The following KHDRBS1 variants were observed in gnomAD, a reference collection of about 807,000 sequenced individuals.
KHDRBS1 encodes KH domain-containing, RNA-binding, signal transduction-associated protein 1.
A neutral mutation model predicts 48.4 loss-of-function variants in KHDRBS1; 7 were observed. The ratio of observed to expected loss-of-function variants is 0.14; its 90% CI spans 0.08 to 0.27. The LOEUF (loss-of-function observed/expected upper bound fraction) is 0.27, where lower values mean the gene tolerates loss of function less well. KHDRBS1 is among the 10% of genes least tolerant of loss of function. The pLI is 1.00. For missense variants in KHDRBS1, 458 were observed against 601.2 expected (o/e 0.76, Z 2.49); for synonymous variants, 241 against 235.8 (o/e 1.02, Z -0.20).
chr1:32,027,668 A>G (rs186449718), intron 1 of KHDRBS1, among the ~76,000 whole-genome samples: 1 of 152,336 alleles, frequency 6.6e-6, no homozygotes, highest in East Asian at 1.9e-4. Flanking sequence ...GTATGTGTCT[A>G]TTAGTTCATG....
intron 10 of KHDRBS1, among the ~76,000 whole-genome samples, chr1:32,058,517 G>A (rs1276304614): frequency 6.6e-6 from 1 of 152,202 alleles, no homozygotes; most frequent in African/African-American, 2.4e-5. Context: ...TCCCACTGAA[G>A]ACAACTTGAA....
intron 10 of KHDRBS1, among the ~76,000 whole-genome samples, chr1:32,053,977 G>A (rs781662249): frequency 1.3e-5 from 2 of 152,098 alleles, no homozygotes; most frequent in Non-Finnish European, 2.9e-5. Flanking sequence ...CTGGCTACTC[G>A]GGAGGCTGAG....
chr1:32,060,291 G>C (rs1420936557), exon 11 of KHDRBS1: 2 of 151,914 alleles, frequency 1.3e-5, no homozygotes, highest in Non-Finnish European at 2.9e-5. Flanking sequence ...TGATCTGTCA[G>C]ATTTACCCAC....
chr1:32,048,877 C>G (rs575449110), downstream of KHDRBS1, among the ~76,000 whole-genome samples: 4 of 152,082 alleles, frequency 2.6e-5, no homozygotes, highest in Admixed American at 2.6e-4. Context: ...TTTATTCCCT[C>G]CAGCCGTAGG....
chr1:32,013,947 C>G lies in KHDRBS1; in HGVS notation c.-49C>G, dbSNP rs779236077. ...CCCCGCCAACCGCCGCTCGGGCCTC[C>G]GTCGCTGCCGCGTCGCTTTCTCGCT... On this transcript the variant is annotated 5_prime_UTR_variant, in exon 1 of 9. Transcript: ENST00000327300. 1.0e-5 allele frequency: 14 copies of G among 1,387,410 alleles called. No individual in the cohort carries two copies. Among genetic ancestry groups the G allele is most frequent in the Non-Finnish European group, 1.3e-5 (14 of 1,073,900 alleles). The allele number at this position is 1,387,410 out of a possible 1,614,324, so 85.9% of individuals were successfully genotyped here. A position where few individuals can be genotyped will look rare whatever the true frequency, so the allele number is the denominator to read the frequency against.
chr1:32,031,650 C>CT lies in KHDRBS1; in HGVS notation c.624+10_624+11insT. On this transcript the variant is annotated intron_variant, in intron 3 of 8. Transcript: ENST00000327300. ...GAGAGACAAAGCCAAGGTAAGCTCA[C>CT]ATTAGTGAGGCAAGAGGACATCCTA... The CT allele has an allele frequency of 6.4e-7, 1 of 1,556,928 alleles. No individual in the cohort carries two copies. Among genetic ancestry groups the CT allele is most frequent in the African/African-American group, 1.4e-5 (1 of 73,240 alleles).
downstream of KHDRBS1, among the ~76,000 whole-genome samples, chr1:32,046,035 T>G (rs972351765): frequency 5.9e-5 from 9 of 152,160 alleles, no homozygotes; most frequent in Non-Finnish European, 1.3e-4. Flanking sequence ...ATATCCATAT[T>G]TTACAGAAGT....
chr1:32,016,033 C>T (rs1451865875), intron 1 of KHDRBS1, among the ~76,000 whole-genome samples: 1 of 151,974 alleles, frequency 6.6e-6, no homozygotes, highest in Non-Finnish European at 1.5e-5. Flanking sequence ...ACAAAATTAG[C>T]TTCGCGTGGT....
chr1:32,051,363 G>A (rs1349327227), intron 10 of KHDRBS1, among the ~76,000 whole-genome samples: 1 of 152,170 alleles, frequency 6.6e-6, no homozygotes, highest in Non-Finnish European at 1.5e-5. Context: ...AAAAGTTATT[G>A]ATACAATTTC....
chr1:32,059,215 T>C (rs1233884764), intron 10 of KHDRBS1, among the ~76,000 whole-genome samples: 2 of 146,722 alleles, frequency 1.4e-5, no homozygotes, highest in Admixed American at 1.4e-4. Flanking sequence ...AATGAACATA[T>C]TAAGGCTCCA....
At position 32,034,853 on chromosome 1, in the gene KHDRBS1, C is replaced by T. The variant is rs569657874; in HGVS notation, c.771+1519C>T. On this transcript the variant is annotated intron_variant, in intron 4 of 8. Transcript: ENST00000327300. ...AAAATTAGCTGGGCGTGGTGGCAGG[C>T]GCCTGTAGTCCCAGCTAATCGGGAG... 6.9e-3 allele frequency among the ~76,000 whole-genome samples: 1,040 copies of T among 151,314 alleles called. 17 individuals carry two copies. Among genetic ancestry groups the T allele is most frequent in the African/African-American group, 0.024 (996 of 41,244 alleles).
At chr1:32,030,673 A>G (rs1639064434) in intron 2 of KHDRBS1, among the ~76,000 whole-genome samples, 1 of 152,196 alleles carries the variant, frequency 6.6e-6, no homozygotes, top group Non-Finnish European at 1.5e-5. Context: ...ATGATTGCTC[A>G]GGCTACAAGT....
chr1:32,052,132 A>G (rs1639429102), intron 10 of KHDRBS1, among the ~76,000 whole-genome samples: 1 of 152,220 alleles, frequency 6.6e-6, no homozygotes, highest in Admixed American at 6.5e-5. Flanking sequence ...CCCTATTTTT[A>G]TAGATTAGGC....
intron 8 of KHDRBS1, among the ~76,000 whole-genome samples, chr1:32,039,859 T>G (rs1569808371): frequency 6.6e-6 from 1 of 152,260 alleles, no homozygotes; most frequent in South Asian, 2.1e-4. Context: ...AGCAGCAGAC[T>G]TATAAGCTAA....
intron 7 of KHDRBS1, 72 bp from the exon 8 acceptor site, chr1:32,039,443 A>C: frequency 5.0e-6 from 4 of 792,210 alleles, no homozygotes; most frequent in Non-Finnish European, 2.3e-6. Context: ...TGACTGACTT[A>C]TGGAAGTATT....
rs1639322641 is a variant in KHDRBS1 at position 32,043,641 on chromosome 1, G to A, written c.*1017G>A. The A allele has an allele frequency of 2.0e-5, 3 of 152,614 alleles. No individual in the cohort carries two copies. In the South Asian group the frequency reaches 6.2e-4, roughly 32 times the overall value. The allele number at this position is 152,614 out of a possible 1,614,324, so 9.5% of individuals were successfully genotyped here. On this transcript the variant is annotated 3_prime_UTR_variant, in exon 9 of 9. Transcript: ENST00000327300. ...AATATATCGAACTGTTCCCAAGTTAGTCAAGTATGTCTCAACACTAGCATG... is the reference window on the plus strand; with the variant it reads ...AATATATCGAACTGTTCCCAAGTTAATCAAGTATGTCTCAACACTAGCATG...
chr1:32,037,678 G>T (rs1366059254), intron 5 of KHDRBS1, among the ~76,000 whole-genome samples, 157 bp from the exon 6 acceptor site: 1 of 152,212 alleles, frequency 6.6e-6, no homozygotes, highest in Non-Finnish European at 1.5e-5. Context: ...GGATCTTGCA[G>T]TGTGGGTCCT....
At chr1:32,040,525 T>C (rs1416022720) in intron 8 of KHDRBS1, among the ~76,000 whole-genome samples, 2 of 152,130 alleles carry the variant, frequency 1.3e-5, no homozygotes, top group East Asian at 1.9e-4. Flanking sequence ...ATCAACACAG[T>C]CCTTGATCCC....
At chr1:32,039,277 T>C (rs1423816652) in intron 7 of KHDRBS1, among the ~76,000 whole-genome samples, 1 of 152,244 alleles carries the variant, frequency 6.6e-6, no homozygotes, top group Non-Finnish European at 1.5e-5. Flanking sequence ...AATTTAGGAT[T>C]GTGCTTTTTC....
Sources: allele counts gnomAD v4.1 joint callset (sites outside exome capture counted in the v4.1 genomes callset), GRCh38; gene constraint gnomAD v4.1.1; transcripts MANE v1.5; gene names NCBI Gene and HGNC (gene_info 2026-07-23, HGNC 2026-07-21).